Variants in KCNT2 observed in about 807,000 individuals in gnomAD.
KCNT2 encodes potassium channel subfamily T member 2.
In KCNT2, 67 loss-of-function variants were observed where a neutral mutation model predicts 153.8. That is an observed-to-expected ratio of 0.44 (90% confidence interval 0.36 to 0.53). The LOEUF (loss-of-function observed/expected upper bound fraction) is 0.53, where lower values mean the gene tolerates loss of function less well. Ranked by LOEUF, KCNT2 falls within the 20% of genes least tolerant of loss-of-function variation. KCNT2 has a pLI of 0.00. For missense variants in KCNT2, 975 were observed against 1,354.8 expected (o/e 0.72, Z 4.40); for synonymous variants, 500 against 458.8 (o/e 1.09, Z -1.15).
intron 1 of KCNT2, among the ~76,000 whole-genome samples, chr1:196,524,310 AG>A (rs1653886602): frequency 6.6e-6 from 1 of 152,026 alleles, no homozygotes; most frequent in Non-Finnish European, 1.5e-5. Context: ...TCTTATTGGG[AG>A]TTTGAATGAG....
intron 14 of KCNT2, among the ~76,000 whole-genome samples, chr1:196,352,019 A>G (rs1468140952): frequency 2.0e-5 from 3 of 151,942 alleles, no homozygotes; most frequent in Admixed American, 6.6e-5. Context: ...ATTGATTTGC[A>G]TATATTGAAC....
chr1:196,557,380 T>A (rs1658820351), intron 1 of KCNT2, among the ~76,000 whole-genome samples: 2 of 151,348 alleles, frequency 1.3e-5, no homozygotes, highest in Admixed American at 6.6e-5. Context: ...AGTATTTGGA[T>A]TTTTATCATA....
At chr1:196,498,609 T>A (rs1305167341) in intron 1 of KCNT2, among the ~76,000 whole-genome samples, 1 of 152,268 alleles carries the variant, frequency 6.6e-6, no homozygotes, top group East Asian at 1.9e-4. Flanking sequence ...CTTTGGAAAA[T>A]GTACATCTGA....
intron 14 of KCNT2, among the ~76,000 whole-genome samples, chr1:196,368,687 A>G (rs1290294120): frequency 6.6e-6 from 1 of 152,136 alleles, no homozygotes; most frequent in African/African-American, 2.4e-5. Context: ...ATGCTATACT[A>G]TATTTGCTTT....
intron 22 of KCNT2, among the ~76,000 whole-genome samples, chr1:196,304,849 G>T (rs1254922461): frequency 6.6e-6 from 1 of 152,058 alleles, no homozygotes; most frequent in African/African-American, 2.4e-5. Flanking sequence ...TACTGGGGAG[G>T]TAGTCTCCCC....
chr1:196,576,052 A>G (rs1046987098), intron 1 of KCNT2, among the ~76,000 whole-genome samples: 6 of 145,898 alleles, frequency 4.1e-5, no homozygotes, highest in African/African-American at 1.5e-4. Context: ...TTTATAAAAT[A>G]CTAGGCAGTG....
intron 1 of KCNT2, among the ~76,000 whole-genome samples, chr1:196,569,845 G>A (rs1383419835): frequency 1.3e-5 from 2 of 152,056 alleles, no homozygotes; most frequent in African/African-American, 4.8e-5. Flanking sequence ...AAAAGACTAA[G>A]ATTACATATG....
At chr1:196,440,378 T>G (rs956992380) in intron 8 of KCNT2, among the ~76,000 whole-genome samples, 1 of 152,042 alleles carries the variant, frequency 6.6e-6, no homozygotes, top group Non-Finnish European at 1.5e-5. Flanking sequence ...TAGGCATAGT[T>G]TTTTATCAAA....
At chr1:196,557,573 A>G (rs148031998) in intron 1 of KCNT2, among the ~76,000 whole-genome samples, 3 of 151,164 alleles carry the variant, frequency 2.0e-5, no homozygotes, top group Non-Finnish European at 4.5e-5. Flanking sequence ...TGTAGAAAAA[A>G]AAAATGGTGG....
At chr1:196,437,348 A>C (rs1674808457) in intron 8 of KCNT2, among the ~76,000 whole-genome samples, 2 of 137,592 alleles carry the variant, frequency 1.5e-5, no homozygotes, top group South Asian at 4.3e-4. Flanking sequence ...ATTTATTTTT[A>C]TTAATATATT....
At chr1:196,550,231 T>C (rs1190238514) in intron 1 of KCNT2, among the ~76,000 whole-genome samples, 1 of 151,840 alleles carries the variant, frequency 6.6e-6, no homozygotes, top group Non-Finnish European at 1.5e-5. Flanking sequence ...ATAGACCAAA[T>C]TTCAAAATGT....
intron 14 of KCNT2, among the ~76,000 whole-genome samples, chr1:196,372,661 A>C (rs1013724582): frequency 6.6e-6 from 1 of 151,970 alleles, no homozygotes; most frequent in African/African-American, 2.4e-5. Context: ...AATTTTATAC[A>C]ACTACTTTGT....
intron 14 of KCNT2, chr1:196,343,174 C>T (rs920288664): frequency 1.4e-4 from 21 of 152,234 alleles, no homozygotes; most frequent in African/African-American, 4.8e-4. Context: ...ACAGCCTGAA[C>T]TGACTAAATC....
chr1:196,513,333 C>A (rs989271044), intron 1 of KCNT2, among the ~76,000 whole-genome samples: 1 of 152,200 alleles, frequency 6.6e-6, no homozygotes, highest in Non-Finnish European at 1.5e-5. Context: ...TGACAACTAT[C>A]AGCATGCAGA....
At chr1:196,463,401 G>T (rs1032346404) in intron 8 of KCNT2, among the ~76,000 whole-genome samples, 2 of 151,658 alleles carry the variant, frequency 1.3e-5, no homozygotes, top group African/African-American at 2.4e-5. Context: ...AATACACAAA[G>T]AAATCAAACC....
intron 1 of KCNT2, among the ~76,000 whole-genome samples, chr1:196,512,255 G>T (rs776994105): frequency 1.3e-5 from 2 of 151,954 alleles, no homozygotes; most frequent in Non-Finnish European, 2.9e-5. Context: ...GGCTCTTTCT[G>T]CTCTACTCTT....
chr1:196,526,372 G>T (rs906278907), intron 1 of KCNT2, among the ~76,000 whole-genome samples: 1 of 150,448 alleles, frequency 6.6e-6, no homozygotes, highest in Non-Finnish European at 1.5e-5. Context: ...TTACATTATT[G>T]TATACATAAA....
At chr1:196,442,536 C>T (rs1011958101) in intron 8 of KCNT2, among the ~76,000 whole-genome samples, 5 of 151,744 alleles carry the variant, frequency 3.3e-5, no homozygotes, top group South Asian at 4.2e-4. Context: ...TTATGACTTC[C>T]GTTCATAGTG....
At chr1:196,306,510 TCCA>T (rs1661650113) in intron 21 of KCNT2, among the ~76,000 whole-genome samples, 1 of 152,078 alleles carries the variant, frequency 6.6e-6, no homozygotes, top group Non-Finnish European at 1.5e-5. Context: ...TTTCCTCAGG[TCCA>T]ACTCTGGAAG....
Sources: gnomAD v4.1 joint callset for allele counts (sites outside exome capture counted in the v4.1 genomes callset) on GRCh38, gnomAD v4.1.1 for gene constraint, MANE v1.5 for transcripts, NCBI Gene and HGNC (gene_info 2026-07-23, HGNC 2026-07-21) for gene names.